RALGPS2: variants seen among roughly 807,000 people sequenced by gnomAD.
The protein encoded by RALGPS2 is Ral GEF with PH domain and SH3 binding motif 2.
In RALGPS2, 43 loss-of-function variants were observed where a neutral mutation model predicts 86.8. That is an observed-to-expected ratio of 0.50 (90% CI 0.39 to 0.64). The LOEUF (loss-of-function observed/expected upper bound fraction) is 0.64. RALGPS2 is among the 30% of genes least tolerant of loss of function. The probability of loss-of-function intolerance (pLI) is 0.00; values close to 1 mark genes in which losing one functional copy is unlikely to be tolerated. For missense variants in RALGPS2, 536 were observed against 694.6 expected (o/e 0.77, Z 2.57); for synonymous variants, 243 against 231.3 (o/e 1.05, Z -0.46).
intron 8 of RALGPS2, among the ~76,000 whole-genome samples, chr1:178,834,263 T>A (rs1442005403): frequency 2.6e-5 from 4 of 152,172 alleles, no homozygotes; most frequent in Non-Finnish European, 5.9e-5. Flanking sequence ...ATGAATTGAT[T>A]TGATCCTATG....
At chr1:178,815,721 G>A (rs1443786440) in intron 6 of RALGPS2, among the ~76,000 whole-genome samples, 2 of 152,134 alleles carry the variant, frequency 1.3e-5, no homozygotes, top group Non-Finnish European at 2.9e-5. Flanking sequence ...AGCCCTTCAT[G>A]TTGCAACAAA....
chr1:178,910,107 AT>A (rs1190474932), intron 19 of RALGPS2, among the ~76,000 whole-genome samples: 1 of 152,066 alleles, frequency 6.6e-6, no homozygotes, highest in East Asian at 1.9e-4. Flanking sequence ...TTGTACATTG[AT>A]TTTGTATCCT....
intron 1 of RALGPS2, among the ~76,000 whole-genome samples, chr1:178,737,270 A>T (rs1420111726): frequency 6.6e-6 from 1 of 152,066 alleles, no homozygotes; most frequent in Non-Finnish European, 1.5e-5. Context: ...TTTTGAGATG[A>T]AGTCTTGCTC....
chr1:178,743,649 A>G (rs537514072), intron 1 of RALGPS2, among the ~76,000 whole-genome samples: 3 of 152,364 alleles, frequency 2.0e-5, no homozygotes, highest in African/African-American at 7.2e-5. Context: ...GATTGAGATC[A>G]GGAAAGACAG....
intron 13 of RALGPS2, among the ~76,000 whole-genome samples, chr1:178,887,478 A>G (rs1659540259): frequency 6.6e-6 from 1 of 152,192 alleles, no homozygotes; most frequent in Non-Finnish European, 1.5e-5. Context: ...AATTGTTCAT[A>G]TAATAGCTAC....
intron 6 of RALGPS2, among the ~76,000 whole-genome samples, chr1:178,815,572 A>G (rs1340037644): frequency 2.0e-5 from 3 of 152,290 alleles, no homozygotes; most frequent in South Asian, 2.1e-4. Context: ...TCTGGCTGCT[A>G]TAACAAAAAT....
At chr1:178,878,068 A>G (rs556648774) in intron 9 of RALGPS2, among the ~76,000 whole-genome samples, 3 of 152,210 alleles carry the variant, frequency 2.0e-5, no homozygotes, top group East Asian at 1.9e-4. Flanking sequence ...ACAGTTTTCA[A>G]TTAGGGAAGT....
intron 7 of RALGPS2, among the ~76,000 whole-genome samples, chr1:178,833,177 G>A (rs926336447): frequency 1.3e-5 from 2 of 151,920 alleles, no homozygotes; most frequent in African/African-American, 2.4e-5. Flanking sequence ...TAGTAAACAC[G>A]AAAATGTTAT....
At chr1:178,743,496 G>A (rs1651142722) in intron 1 of RALGPS2, among the ~76,000 whole-genome samples, 1 of 152,150 alleles carries the variant, frequency 6.6e-6, no homozygotes, top group African/African-American at 2.4e-5. Flanking sequence ...AAAGATCAGT[G>A]TGGAAATTGT....
At chr1:178,760,833 T>G (rs553246675) in intron 1 of RALGPS2, among the ~76,000 whole-genome samples, 2 of 152,340 alleles carry the variant, frequency 1.3e-5, no homozygotes, top group South Asian at 4.1e-4. Context: ...TATCTATCTC[T>G]TTAGCAAGAT....
chr1:178,872,871 A>G (rs2102355199), intron 8 of RALGPS2, among the ~76,000 whole-genome samples: 1 of 152,306 alleles, frequency 6.6e-6, no homozygotes, highest in South Asian at 2.1e-4. Context: ...GCTCAGTTAT[A>G]TGGAGAGATT....
intron 7 of RALGPS2, among the ~76,000 whole-genome samples, chr1:178,829,987 T>A (rs1229120354): frequency 6.6e-6 from 1 of 152,046 alleles, no homozygotes; most frequent in Non-Finnish European, 1.5e-5. Flanking sequence ...TCAAGTGATC[T>A]GCCTGCCTTG....
intron 1 of RALGPS2, among the ~76,000 whole-genome samples, chr1:178,748,783 G>A (rs1651482882): frequency 1.3e-5 from 2 of 150,800 alleles, no homozygotes; most frequent in Non-Finnish European, 2.9e-5. Context: ...AACAGGAGGC[G>A]GAGGTTGCAG....
intron 8 of RALGPS2, among the ~76,000 whole-genome samples, chr1:178,839,092 G>A (rs1656442607): frequency 6.6e-6 from 1 of 152,176 alleles, no homozygotes; most frequent in Non-Finnish European, 1.5e-5. Flanking sequence ...CACTCTGCAG[G>A]ATATTATCCA....
At chr1:178,829,889 C>T (rs533128155) in intron 7 of RALGPS2, among the ~76,000 whole-genome samples, 10 of 152,070 alleles carry the variant, frequency 6.6e-5, no homozygotes, top group Non-Finnish European at 1.3e-4. Flanking sequence ...GGATTACAGG[C>T]GCCCACCATT....
chr1:178,830,282 A>T (rs1434106454), intron 7 of RALGPS2, among the ~76,000 whole-genome samples: 1 of 152,188 alleles, frequency 6.6e-6, no homozygotes, highest in Non-Finnish European at 1.5e-5. Context: ...GGAATAGCTA[A>T]AGAAGACAAT....
intron 8 of RALGPS2, among the ~76,000 whole-genome samples, chr1:178,857,589 T>C (rs1472805061): frequency 1.3e-5 from 2 of 152,208 alleles, no homozygotes; most frequent in Non-Finnish European, 2.9e-5. Flanking sequence ...ATTAGTATTA[T>C]AGTTAATGCA....
chr1:178,853,839 T>C, intron 8 of RALGPS2: 1 of 1,412,874 alleles, frequency 7.1e-7, no homozygotes, highest in Non-Finnish European at 9.4e-7. Context: ...AGAAGAGACA[T>C]GTTAAAAGTT....
chr1:178,773,192 G>A (rs1205397686), intron 1 of RALGPS2, among the ~76,000 whole-genome samples: 4 of 152,126 alleles, frequency 2.6e-5, no homozygotes, highest in Non-Finnish European at 5.9e-5. Context: ...CTAAAAAAAT[G>A]TAAACAGTTA....
Sources: allele counts gnomAD v4.1 joint callset (sites outside exome capture counted in the v4.1 genomes callset), GRCh38; gene constraint gnomAD v4.1.1; transcripts MANE v1.5; gene names NCBI Gene and HGNC (gene_info 2026-07-23, HGNC 2026-07-21).